BMPR1B: variants seen among roughly 807,000 people sequenced by gnomAD.
BMPR1B encodes bone morphogenetic protein receptor type 1B, also known as bone morphogenetic protein receptor type-1B.
A neutral mutation model predicts 59.1 loss-of-function variants in BMPR1B; 12 were observed. The observed-to-expected ratio is 0.20, with a 90% CI of 0.13 to 0.33. The LOEUF (loss-of-function observed/expected upper bound fraction) is 0.33. BMPR1B is among the 10% of genes least tolerant of loss of function. The probability of loss-of-function intolerance (pLI) is 1.00; values close to 1 mark genes in which losing one functional copy is unlikely to be tolerated. For missense variants in BMPR1B, 550 were observed against 610.9 expected, an observed-to-expected ratio of 0.90 and a Z score of 1.05; for synonymous variants, 237 against 207.3, an observed-to-expected ratio of 1.14 and a Z score of -1.23.
chr4:94,913,750 T>G (rs1480291588), intron 2 of BMPR1B, among the ~76,000 whole-genome samples: 2 of 152,140 alleles, frequency 1.3e-5, no homozygotes, highest in Non-Finnish European at 2.9e-5. Context: ...TCACAAAGTT[T>G]ATGTTTCAGT....
chr4:94,911,033 T>C (rs1728254017), intron 2 of BMPR1B, among the ~76,000 whole-genome samples: 1 of 152,178 alleles, frequency 6.6e-6, no homozygotes, highest in African/African-American at 2.4e-5. Context: ...TGCTTTCACT[T>C]CTTTGACCTA....
chr4:95,067,720 G>T (rs1306759113), intron 3 of BMPR1B, among the ~76,000 whole-genome samples: 1 of 152,096 alleles, frequency 6.6e-6, no homozygotes, highest in East Asian at 1.9e-4. Flanking sequence ...ACATCTTTAA[G>T]CATATAATGA....
chr4:95,124,612 AT>A (rs1221287994), intron 7 of BMPR1B, among the ~76,000 whole-genome samples: 2 of 151,986 alleles, frequency 1.3e-5, no homozygotes, highest in Non-Finnish European at 2.9e-5. Context: ...TACACCCAAA[AT>A]TTACATCTTT....
At chr4:95,003,658 A>T (rs1285972317) in intron 3 of BMPR1B, among the ~76,000 whole-genome samples, 1 of 152,128 alleles carries the variant, frequency 6.6e-6, no homozygotes, top group Non-Finnish European at 1.5e-5. Flanking sequence ...TAATCCTTCT[A>T]ATAGACCATT....
chr4:95,076,386 A>C (rs1026076269), intron 3 of BMPR1B, among the ~76,000 whole-genome samples: 1 of 152,064 alleles, frequency 6.6e-6, no homozygotes, highest in Non-Finnish European at 1.5e-5. Flanking sequence ...TAGAAATTTA[A>C]ATGTCTTTCT....
At chr4:94,888,296 T>C (rs1727260013) in intron 2 of BMPR1B, among the ~76,000 whole-genome samples, 1 of 152,030 alleles carries the variant, frequency 6.6e-6, no homozygotes, top group East Asian at 1.9e-4. Flanking sequence ...TGACTGATGG[T>C]GAGTATTTAA....
chr4:95,019,142 A>G (rs955266759), intron 3 of BMPR1B, among the ~76,000 whole-genome samples: 4 of 152,192 alleles, frequency 2.6e-5, no homozygotes, highest in Non-Finnish European at 5.9e-5. Context: ...ATTCACATGA[A>G]TGGAAGTCGC....
intron 1 of BMPR1B, among the ~76,000 whole-genome samples, chr4:94,804,157 C>T (rs547288004): frequency 5.3e-5 from 8 of 152,286 alleles, no homozygotes; most frequent in South Asian, 4.1e-4. Flanking sequence ...GGATTACAGG[C>T]GTGAGCCACC....
chr4:94,910,777 A>G (rs1419167527), intron 2 of BMPR1B, among the ~76,000 whole-genome samples: 1 of 151,944 alleles, frequency 6.6e-6, no homozygotes, highest in Non-Finnish European at 1.5e-5. Flanking sequence ...AGCCAGGCAT[A>G]GTGGCACACC....
intron 1 of BMPR1B, among the ~76,000 whole-genome samples, chr4:94,810,772 C>T (rs1158644980): frequency 3.3e-5 from 5 of 152,136 alleles, no homozygotes; most frequent in Non-Finnish European, 7.3e-5. Flanking sequence ...GCATTGTGTC[C>T]TTTTCACCCT....
intron 3 of BMPR1B, among the ~76,000 whole-genome samples, chr4:95,081,850 G>A (rs1729165663): frequency 6.6e-6 from 1 of 152,180 alleles, no homozygotes; most frequent in Non-Finnish European, 1.5e-5. Flanking sequence ...CAGATTGAGT[G>A]CAGAAGCAAA....
chr4:94,853,382 G>C (rs1239802224), intron 1 of BMPR1B, among the ~76,000 whole-genome samples: 1 of 152,068 alleles, frequency 6.6e-6, no homozygotes, highest in Non-Finnish European at 1.5e-5. Flanking sequence ...ACTTTACAGT[G>C]AATATCAAAG....
At chr4:95,101,347 C>A (rs1311261572) in intron 3 of BMPR1B, among the ~76,000 whole-genome samples, 1 of 152,090 alleles carries the variant, frequency 6.6e-6, no homozygotes, top group Non-Finnish European at 1.5e-5. Context: ...GTAAAGAAGG[C>A]ATCTCAGTGA....
intron 3 of BMPR1B, among the ~76,000 whole-genome samples, chr4:95,043,181 CAAAAAAAAAAAAAAA>C (rs751904820): frequency 3.7e-4 from 19 of 51,456 alleles, no homozygotes; most frequent in East Asian, 2.2e-3. Flanking sequence ...GACTCCGTCT[CAAAAAAAAAAAAAAA>C]AAAAAAAAAA....
chr4:95,062,038 G>A (rs562367277), intron 3 of BMPR1B, among the ~76,000 whole-genome samples: 174 of 152,118 alleles, frequency 1.1e-3, no homozygotes, highest in African/African-American at 3.9e-3. Context: ...CCCTTCCACC[G>A]TAATTGTGAG....
chr4:95,143,671 A>C (rs1057308828), intron 10 of BMPR1B, among the ~76,000 whole-genome samples: 1 of 152,234 alleles, frequency 6.6e-6, no homozygotes, highest in East Asian at 1.9e-4. Flanking sequence ...GGTCAGAAAT[A>C]TGAACTTGGT....
At chr4:94,967,904 A>G (rs1730614279) in intron 2 of BMPR1B, among the ~76,000 whole-genome samples, 1 of 152,246 alleles carries the variant, frequency 6.6e-6, no homozygotes, top group Admixed American at 6.5e-5. Context: ...CTTAAAATAA[A>G]TAATATCCAG....
At chr4:95,154,498 A>C in intron 12 of BMPR1B, 50 bp from the exon 13 acceptor site, 6 of 1,612,924 alleles carry the variant, frequency 3.7e-6, no homozygotes, top group Non-Finnish European at 5.1e-6. Context: ...ACATTGTAAC[A>C]GGTGCCAGCC....
chr4:94,778,671 T>A (rs1578632580), intron 1 of BMPR1B, among the ~76,000 whole-genome samples: 1 of 152,330 alleles, frequency 6.6e-6, no homozygotes, highest in East Asian at 1.9e-4. Context: ...TACCTCATCC[T>A]AGTCCATACT....
Sources: gnomAD v4.1 joint callset for allele counts (sites outside exome capture counted in the v4.1 genomes callset) on GRCh38, gnomAD v4.1.1 for gene constraint, MANE v1.5 for transcripts, NCBI Gene and HGNC (gene_info 2026-07-23, HGNC 2026-07-21) for gene names.